EGFLAM: variants seen among roughly 807,000 people sequenced by gnomAD.
The protein encoded by EGFLAM is pikachurin.
Under a neutral mutation model 113.1 loss-of-function variants are expected in EGFLAM, and 79 were observed. The observed-to-expected ratio is 0.70, with a 90% CI of 0.58 to 0.84. EGFLAM has a LOEUF of 0.84. Ranked by LOEUF, EGFLAM falls within the 40% of genes least tolerant of loss-of-function variation. The pLI is 0.00. For synonymous variants in EGFLAM, 504 were observed against 487.6 expected (o/e 1.03, Z -0.44); for missense variants, 1,265 against 1,291.6 (o/e 0.98, Z 0.32).
intron 10 of EGFLAM, among the ~76,000 whole-genome samples, 196 bp downstream of exon 10, chr5:38,409,300 T>C (rs1741397160): frequency 6.6e-6 from 1 of 152,232 alleles, no homozygotes; most frequent in South Asian, 2.1e-4. Context: ...ACTTGGGTTT[T>C]GGAAATCATT....
chr5:38,426,554 T>C (rs1182238707), intron 13 of EGFLAM, among the ~76,000 whole-genome samples: 1 of 152,162 alleles, frequency 6.6e-6, no homozygotes, highest in African/African-American at 2.4e-5. Context: ...TGAGTCAGGG[T>C]AAGCCAATGC....
intron 12 of EGFLAM, among the ~76,000 whole-genome samples, chr5:38,418,761 A>G (rs2112163629): frequency 6.6e-6 from 1 of 152,304 alleles, no homozygotes; most frequent in South Asian, 2.1e-4. Flanking sequence ...TATCATGCCC[A>G]TTTTACAGAT....
chr5:38,432,627 C>T (rs377228883), intron 15 of EGFLAM, among the ~76,000 whole-genome samples: 16 of 152,294 alleles, frequency 1.1e-4, no homozygotes, highest in Non-Finnish European at 1.6e-4. Context: ...TAGAAGCTCA[C>T]GAGAATACAC....
chr5:38,425,545 G>C (rs182154694), intron 13 of EGFLAM, among the ~76,000 whole-genome samples: 17 of 152,214 alleles, frequency 1.1e-4, no homozygotes, highest in African/African-American at 3.9e-4. Context: ...GGGAGAGATG[G>C]GGGAAACTTT....
intron 1 of EGFLAM, among the ~76,000 whole-genome samples, chr5:38,324,287 G>C (rs1464740057): frequency 6.6e-6 from 1 of 152,102 alleles, no homozygotes; most frequent in African/African-American, 2.4e-5. Flanking sequence ...GGTTTCTCTG[G>C]CCTTTCTGGG....
At chr5:38,301,347 C>T (rs377085991) in intron 1 of EGFLAM, among the ~76,000 whole-genome samples, 4 of 152,044 alleles carry the variant, frequency 2.6e-5, no homozygotes, top group African/African-American at 7.2e-5. Context: ...AGGTCAAGTA[C>T]GGTGAGAACA....
At chr5:38,365,771 A>G (rs1030919484) in intron 5 of EGFLAM, among the ~76,000 whole-genome samples, 7 of 152,208 alleles carry the variant, frequency 4.6e-5, no homozygotes, top group African/African-American at 1.7e-4. Flanking sequence ...ATACATATTT[A>G]TGTGCATAGG....
chr5:38,316,481 T>A (rs542407863), intron 1 of EGFLAM, among the ~76,000 whole-genome samples: 1 of 152,322 alleles, frequency 6.6e-6, no homozygotes, highest in South Asian at 2.1e-4. Context: ...AATAGGACAA[T>A]AATAGTGCCT....
intron 1 of EGFLAM, among the ~76,000 whole-genome samples, chr5:38,275,281 T>C (rs947807617): frequency 6.6e-6 from 1 of 152,166 alleles, no homozygotes; most frequent in African/African-American, 2.4e-5. Flanking sequence ...AGACATAAAG[T>C]GGCTTGAAAA....
intron 1 of EGFLAM, among the ~76,000 whole-genome samples, chr5:38,326,048 G>A: frequency 6.6e-6 from 1 of 152,174 alleles, no homozygotes; most frequent in Admixed American, 6.5e-5. Context: ...ACAGGTGAGT[G>A]TGTGTGAAGA....
chr5:38,380,957 G>C (rs1479504544), intron 6 of EGFLAM, among the ~76,000 whole-genome samples: 1 of 152,174 alleles, frequency 6.6e-6, no homozygotes, highest in Non-Finnish European at 1.5e-5. Context: ...AACTCACGAT[G>C]CTCTGATTTC....
At chr5:38,417,370 C>CA (rs1162839882) in intron 11 of EGFLAM, among the ~76,000 whole-genome samples, 35 of 100,272 alleles carry the variant, frequency 3.5e-4, no homozygotes, top group Non-Finnish European at 4.1e-4. Flanking sequence ...AAAAAAAAAA[C>CA]AAAAAAAAAA....
At chr5:38,358,872 A>G (rs1410290719) in intron 5 of EGFLAM, among the ~76,000 whole-genome samples, 2 of 152,158 alleles carry the variant, frequency 1.3e-5, no homozygotes, top group Non-Finnish European at 2.9e-5. Flanking sequence ...GCTGTAACAT[A>G]TTTTGCAGTG....
intron 1 of EGFLAM, among the ~76,000 whole-genome samples, chr5:38,322,298 C>CTGGGCA (rs1211531716): frequency 4.6e-5 from 7 of 152,242 alleles, no homozygotes; most frequent in African/African-American, 1.4e-4. Flanking sequence ...GAAAAGGGCT[C>CTGGGCA]GGGACTCTCT....
At chr5:38,448,499 C>T in intron 18 of EGFLAM, 120 bp downstream of exon 18, 2 of 1,032,876 alleles carry the variant, frequency 1.9e-6, no homozygotes, top group Admixed American at 4.3e-5. Context: ...ACCATTCAGC[C>T]ATGGCCTCAG....
chr5:38,389,259 C>T (rs1318519238), intron 6 of EGFLAM, among the ~76,000 whole-genome samples: 1 of 152,172 alleles, frequency 6.6e-6, no homozygotes, highest in African/African-American at 2.4e-5. Context: ...AGCAACTTCT[C>T]ATGTATAGTT....
At chr5:38,421,018 A>G (rs1233634189) in intron 12 of EGFLAM, among the ~76,000 whole-genome samples, 3 of 152,104 alleles carry the variant, frequency 2.0e-5, no homozygotes, top group Non-Finnish European at 4.4e-5. Flanking sequence ...CTCAGCTTCC[A>G]TGTTTGCTGT....
chr5:38,439,966 A>G (rs752757633), intron 17 of EGFLAM, among the ~76,000 whole-genome samples: 1 of 152,248 alleles, frequency 6.6e-6, no homozygotes, highest in Admixed American at 6.5e-5. Context: ...GGGAGAAAGA[A>G]AGGATAATGT....
chr5:38,406,170 A>G lies in EGFLAM; in HGVS notation c.757A>G (p.Thr253Ala), dbSNP rs1741278758. Residue 253 changes from threonine to alanine, a missense_variant, in exon 7 of 22, where the codon ACC (threonine) becomes GCC (alanine). By Grantham distance (58) the Thr-to-Ala change is moderately conservative. Coordinates refer to ENST00000322350, the MANE Select transcript of EGFLAM (RefSeq NM_152403.4). ...TGGCCGCTATGGACCCCGTTATATC[A>G]CCGACATGGGAGCTGGTGAGGATGA... Reference protein sequence around the residue: ...GSGRYGPRYITDMGAGEDDEG... With the variant: ...GSGRYGPRYIADMGAGEDDEG... 1 of 1,614,158 alleles carries G rather than the reference A, an allele frequency of 6.2e-7. No individual in the cohort carries two copies. Among genetic ancestry groups the G allele is most frequent in the African/African-American group, 1.3e-5 (1 of 75,044 alleles).
Sources: allele counts gnomAD v4.1 joint callset (sites outside exome capture counted in the v4.1 genomes callset), GRCh38; gene constraint gnomAD v4.1.1; transcripts MANE v1.5; gene names NCBI Gene and HGNC (gene_info 2026-07-23, HGNC 2026-07-21).